PLXDC2: variants seen among roughly 807,000 people sequenced by gnomAD.
PLXDC2 encodes the protein plexin domain-containing protein 2.
A neutral mutation model predicts 68.9 loss-of-function variants in PLXDC2; 40 were observed. That is an observed-to-expected ratio of 0.58 (90% CI 0.45 to 0.76). The LOEUF is 0.76. Among genes scored for constraint, PLXDC2 ranks in the 30% least tolerant of loss-of-function variants. The pLI is 0.00. For missense variants in PLXDC2, 644 were observed against 661.9 expected (o/e 0.97, Z 0.30); for synonymous variants, 243 against 234.2 (o/e 1.04, Z -0.34).
chr10:20,021,770 G>C (rs984449242), intron 2 of PLXDC2, among the ~76,000 whole-genome samples: 4 of 151,754 alleles, frequency 2.6e-5, no homozygotes, highest in Admixed American at 6.6e-5. Context: ...CGTGATCTTG[G>C]CTCCTGCAAC....
intron 1 of PLXDC2, among the ~76,000 whole-genome samples, chr10:19,987,780 G>C (rs954743249): frequency 6.6e-6 from 1 of 152,014 alleles, no homozygotes; most frequent in South Asian, 2.1e-4. Flanking sequence ...TGGCCAGGAT[G>C]GTCTCGATCG....
At chr10:20,139,709 G>A (rs1461293026) in intron 4 of PLXDC2, among the ~76,000 whole-genome samples, 2 of 152,144 alleles carry the variant, frequency 1.3e-5, no homozygotes, top group African/African-American at 4.8e-5. Flanking sequence ...TTGCACGGAT[G>A]TGGATGAAGC....
intron 1 of PLXDC2, among the ~76,000 whole-genome samples, chr10:19,899,955 G>C (rs1016473379): frequency 6.6e-6 from 1 of 152,096 alleles, no homozygotes; most frequent in African/African-American, 2.4e-5. Flanking sequence ...GATGGTTAGA[G>C]AATTATTATG....
At chr10:20,048,594 A>G (rs946865322) in intron 3 of PLXDC2, among the ~76,000 whole-genome samples, 1 of 152,118 alleles carries the variant, frequency 6.6e-6, no homozygotes, top group African/African-American at 2.4e-5. Flanking sequence ...GGAATTTTGA[A>G]TGTTGGTGTA....
intron 4 of PLXDC2, among the ~76,000 whole-genome samples, chr10:20,139,004 C>A (rs548456889): frequency 6.6e-6 from 1 of 152,208 alleles, no homozygotes; most frequent in East Asian, 1.9e-4. Context: ...AATATTTTTT[C>A]AGATTAGTAA....
At chr10:20,144,443 C>T (rs1362341749) in intron 5 of PLXDC2, among the ~76,000 whole-genome samples, 1 of 152,128 alleles carries the variant, frequency 6.6e-6, no homozygotes, top group Admixed American at 6.5e-5. Flanking sequence ...GGAAACTAAA[C>T]ATAGTTAGAC....
intron 1 of PLXDC2, among the ~76,000 whole-genome samples, chr10:19,979,909 A>C (rs1299995235): frequency 1.3e-5 from 2 of 152,166 alleles, no homozygotes; most frequent in Non-Finnish European, 1.5e-5. Context: ...GGAGCCTGGC[A>C]TTCTGTTCAT....
At chr10:20,113,956 T>C (rs1202606915) in intron 4 of PLXDC2, among the ~76,000 whole-genome samples, 1 of 152,046 alleles carries the variant, frequency 6.6e-6, no homozygotes, top group Non-Finnish European at 1.5e-5. Context: ...TGAAACCCTG[T>C]CTACTAAAAA....
At chr10:19,841,934 TGAAAA>T (rs1324731527) in intron 1 of PLXDC2, among the ~76,000 whole-genome samples, 1 of 151,956 alleles carries the variant, frequency 6.6e-6, no homozygotes, top group Non-Finnish European at 1.5e-5. Flanking sequence ...AAAATAGAAA[TGAAAA>T]GAAACAAACA....
At chr10:20,245,252 G>C in intron 12 of PLXDC2, 93 bp from the exon 13 acceptor site, 1 of 1,367,026 alleles carries the variant, frequency 7.3e-7, no homozygotes, top group Non-Finnish European at 9.7e-7. Context: ...AGATCCAGTC[G>C]TACTTTATTA....
chr10:20,205,502 AT>A (rs1190351429), intron 9 of PLXDC2, among the ~76,000 whole-genome samples: 1 of 152,126 alleles, frequency 6.6e-6, no homozygotes, highest in African/African-American at 2.4e-5. Context: ...AGTTTCTCTC[AT>A]AATATTCTAT....
intron 9 of PLXDC2, among the ~76,000 whole-genome samples, chr10:20,201,203 T>C (rs187763721): frequency 1.3e-5 from 2 of 152,216 alleles, no homozygotes; most frequent in East Asian, 1.9e-4. Flanking sequence ...TTCAGCCTTA[T>C]AAAGAAGGAA....
intron 4 of PLXDC2, among the ~76,000 whole-genome samples, chr10:20,106,887 G>A (rs997115122): frequency 2.0e-5 from 3 of 151,172 alleles, no homozygotes; most frequent in African/African-American, 4.9e-5. Context: ...TTGCTATATC[G>A]TGGATGCATA....
chr10:20,108,802 C>G (rs190213052), intron 4 of PLXDC2, among the ~76,000 whole-genome samples: 1 of 152,140 alleles, frequency 6.6e-6, no homozygotes, highest in East Asian at 1.9e-4. Flanking sequence ...TGACTTTTTA[C>G]AAGAAATATT....
At chr10:20,076,949 G>A (rs1000786153) in intron 4 of PLXDC2, among the ~76,000 whole-genome samples, 5 of 152,076 alleles carry the variant, frequency 3.3e-5, no homozygotes, top group East Asian at 3.9e-4. Flanking sequence ...ATAGAATCTC[G>A]AAATATTTCT....
chr10:20,143,324 C>A lies in PLXDC2; in HGVS notation c.571C>A (p.Arg191=). 1 of 1,612,816 alleles carries A rather than the reference C, an allele frequency of 6.2e-7. No individual in the cohort carries two copies. ...CATATACACTGGAGAAGTCGTACAT[C>A]GAATGCTAACAGCCACACAGTACAT... ...GFIYTGEVVH[R]MLTATQYIAP... Residue 191 remains arginine (R), a synonymous_variant, in exon 5 of 14, where the codon CGA becomes AGA. Transcript: ENST00000377252.
At chr10:20,002,845 C>A (rs1178228441) in intron 2 of PLXDC2, among the ~76,000 whole-genome samples, 1 of 152,102 alleles carries the variant, frequency 6.6e-6, no homozygotes, top group Non-Finnish European at 1.5e-5. Flanking sequence ...AGAATGACAT[C>A]TCCAGGACTG....
At chr10:19,941,059 A>G (rs965573301) in intron 1 of PLXDC2, among the ~76,000 whole-genome samples, 1 of 152,234 alleles carries the variant, frequency 6.6e-6, no homozygotes, top group Non-Finnish European at 1.5e-5. Context: ...TTACACAGCT[A>G]TGCCATGAAA....
chr10:19,817,256 T>A, intron 1 of PLXDC2, 65 bp downstream of exon 1: 1 of 1,299,716 alleles, frequency 7.7e-7, no homozygotes, highest in South Asian at 1.3e-5. Context: ...GGCACTCTCG[T>A]GCTCCCTACC....
Sources: gnomAD v4.1 joint callset for allele counts (sites outside exome capture counted in the v4.1 genomes callset) on GRCh38, gnomAD v4.1.1 for gene constraint, MANE v1.5 for transcripts, NCBI Gene and HGNC (gene_info 2026-07-23, HGNC 2026-07-21) for gene names.